ANTXR1: variants seen among roughly 807,000 people sequenced by gnomAD.
ANTXR1 encodes the protein ANTXR cell adhesion molecule 1.
In ANTXR1, 19 loss-of-function variants were observed where a neutral mutation model predicts 78.1. The observed-to-expected ratio is 0.24, with a 90% confidence interval of 0.17 to 0.36. The LOEUF is 0.36. ANTXR1 is among the 10% of genes least tolerant of loss of function. The pLI, the probability that ANTXR1 is intolerant of heterozygous loss-of-function variation, is 1.00. For missense variants in ANTXR1, 518 were observed against 718.6 expected (o/e 0.72, Z 3.19); for synonymous variants, 273 against 260.5 (o/e 1.05, Z -0.46).
At chr2:69,061,246 A>G (rs1192177942) in intron 3 of ANTXR1, among the ~76,000 whole-genome samples, 1 of 152,200 alleles carries the variant, frequency 6.6e-6, no homozygotes, top group East Asian at 1.9e-4. Context: ...TACCTCCACC[A>G]GAGAGGAGAA....
At chr2:69,077,926 A>G (rs773353795) in intron 8 of ANTXR1, among the ~76,000 whole-genome samples, 15 of 152,184 alleles carry the variant, frequency 9.9e-5, no homozygotes, top group Non-Finnish European at 2.1e-4. Context: ...CAGAGATTTA[A>G]AAAGCACTGC....
chr2:69,189,663 G>A (rs1674504947), intron 16 of ANTXR1, among the ~76,000 whole-genome samples: 2 of 152,216 alleles, frequency 1.3e-5, no homozygotes, highest in Non-Finnish European at 2.9e-5. Flanking sequence ...ATGGGAAGAG[G>A]CGGCAGCAGA....
At chr2:69,145,629 G>A (rs1285148144) in intron 12 of ANTXR1, 26 of 1,251,414 alleles carry the variant, frequency 2.1e-5, no homozygotes, top group Non-Finnish European at 1.3e-5. Flanking sequence ...TCCATGCGGT[G>A]GGCATCAGGC....
chr2:69,221,647 C>G (rs1381725236), intron 17 of ANTXR1, among the ~76,000 whole-genome samples: 1 of 125,658 alleles, frequency 8.0e-6, no homozygotes, highest in African/African-American at 3.1e-5. Context: ...CTCAGTGAGT[C>G]AATTAAATTT....
In ANTXR1 at chr2:69,102,404, T is replaced by A. The variant is rs146418201; in HGVS notation, c.704-438T>A. The stretch of plus-strand genomic sequence containing the variant: ...GGCACCGTGGGCTCTTAAGAAATCC[T>A]TTCAGGGGAGTACAATGTGCAAAAC... On this transcript the variant is annotated intron_variant, in intron 9 of 17. Transcript: ENST00000303714. 2.7e-3 allele frequency among the ~76,000 whole-genome samples: 413 copies of A among 152,348 alleles called. 2 individuals carry two copies. Among genetic ancestry groups the A allele is most frequent in the African/African-American group, 9.5e-3 (396 of 41,578 alleles).
intron 12 of ANTXR1, among the ~76,000 whole-genome samples, chr2:69,137,384 G>A (rs1410400014): frequency 6.6e-6 from 1 of 152,108 alleles, no homozygotes; most frequent in African/African-American, 2.4e-5. Context: ...CTTGAGAGAA[G>A]GCATATGGCC....
rs770171624 is a variant in ANTXR1, at chr2:69,102,949, T to C, written c.802+9T>C. 2 of 1,613,780 alleles carry C rather than the reference T, an allele frequency of 1.2e-6. No individual in the cohort carries two copies. Among genetic ancestry groups the C allele is most frequent in the African/African-American group, 1.3e-5 (1 of 74,932 alleles). On this transcript the variant is annotated intron_variant, in intron 10 of 17. Transcript: ENST00000303714. ...TGACTCGGTCACACTCAGTAAGTCC[T>C]TGCAGAGTCCATGGGTTTCTTCGAC...
At chr2:69,199,463 A>G (rs7599070) in intron 17 of ANTXR1, among the ~76,000 whole-genome samples, 93,210 of 152,078 alleles carry the variant, frequency 0.61, 29,418 homozygotes, top group East Asian at 0.91. Flanking sequence ...ACACAACTGG[A>G]GAATAACTAG....
At chr2:69,098,801 C>G (rs1393614048) in intron 9 of ANTXR1, among the ~76,000 whole-genome samples, 1 of 152,160 alleles carries the variant, frequency 6.6e-6, no homozygotes, top group Non-Finnish European at 1.5e-5. Flanking sequence ...GCCTGGCCAA[C>G]AGGGTGAAAC....
At chr2:69,194,416 T>C (rs545223925) in intron 17 of ANTXR1, among the ~76,000 whole-genome samples, 262 of 152,370 alleles carry the variant, frequency 1.7e-3, no homozygotes, top group African/African-American at 4.6e-3. Context: ...CCGCCTTTCC[T>C]TCCTGGCTGG....
At chr2:69,241,907 T>C (rs1424158098) in intron 17 of ANTXR1, among the ~76,000 whole-genome samples, 1 of 152,112 alleles carries the variant, frequency 6.6e-6, no homozygotes, top group African/African-American at 2.4e-5. Context: ...TACCTGTAAG[T>C]GACAGGCGGT....
intron 12 of ANTXR1, among the ~76,000 whole-genome samples, chr2:69,125,261 G>A (rs1288584307): frequency 2.0e-5 from 3 of 152,176 alleles, no homozygotes; most frequent in Non-Finnish European, 2.9e-5. Context: ...TCCTCAGATA[G>A]CCCTTCTCTG....
intron 17 of ANTXR1, among the ~76,000 whole-genome samples, chr2:69,232,413 G>T (rs560123430): frequency 6.6e-6 from 1 of 150,538 alleles, no homozygotes; most frequent in South Asian, 2.1e-4. Flanking sequence ...CTACAATTTA[G>T]CAATAAGGGA....
At chr2:69,079,628 G>A (rs752640551) in intron 8 of ANTXR1, among the ~76,000 whole-genome samples, 1 of 152,090 alleles carries the variant, frequency 6.6e-6, no homozygotes, top group African/African-American at 2.4e-5. Context: ...AGCCTCGAAG[G>A]GGTTTTGCCT....
At chr2:69,074,848 T>C (rs1670681327) in intron 6 of ANTXR1, among the ~76,000 whole-genome samples, 1 of 152,178 alleles carries the variant, frequency 6.6e-6, no homozygotes, top group African/African-American at 2.4e-5. Flanking sequence ...GTGCCAAGGA[T>C]TTTCAATTTT....
In ANTXR1 at chr2:69,145,215, G is replaced by A. The variant is rs1052558244; in HGVS notation, c.952-6954G>A. ...AGGCAGAGTTACGGGGGGCTGATTC[G>A]CTTAAACTTTAGGGACCCTCACTTG... On this transcript the variant is annotated intron_variant, in intron 12 of 17. Transcript: ENST00000303714. 29 of 1,105,472 alleles carry A rather than the reference G, an allele frequency of 2.6e-5. No homozygotes were observed. In the African/African-American group the frequency reaches 2.7e-4, roughly 10 times the overall value. The allele number at this position is 1,105,472 out of a possible 1,614,324, so 68.5% of individuals were successfully genotyped here.
chr2:69,146,667 A>T lies in ANTXR1; in HGVS notation c.952-5502A>T, dbSNP rs141327619. Among the ~76,000 whole-genome samples the T allele has an allele frequency of 2.6e-5, 4 of 152,238 alleles. No homozygotes were observed. The East Asian group carries it at 7.7e-4, about 29-fold the overall frequency. On this transcript the variant is annotated intron_variant, in intron 12 of 17. Transcript: ENST00000303714. ...TCCAGATTCCCCCTGCCCAATGTGG[A>T]CTCTCAGAAGGATCATGGAGAATGA...
chr2:69,146,707 G>A (rs2104422795), intron 12 of ANTXR1, among the ~76,000 whole-genome samples: 1 of 152,374 alleles, frequency 6.6e-6, no homozygotes, highest in African/African-American at 2.4e-5. Flanking sequence ...GAACTTGTGA[G>A]TCAGGGAGCA....
At chr2:69,161,562 A>G (rs1469753136) in intron 13 of ANTXR1, among the ~76,000 whole-genome samples, 4 of 152,182 alleles carry the variant, frequency 2.6e-5, no homozygotes, top group Non-Finnish European at 4.4e-5. Context: ...TCTCTATTCA[A>G]TTGATGCTGT....
Sources: gnomAD v4.1 joint callset for allele counts (sites outside exome capture counted in the v4.1 genomes callset) on GRCh38, gnomAD v4.1.1 for gene constraint, MANE v1.5 for transcripts, NCBI Gene and HGNC (gene_info 2026-07-23, HGNC 2026-07-21) for gene names.